The following TSHZ1 variants were observed in gnomAD, a reference collection of about 807,000 sequenced individuals.
TSHZ1 encodes the protein teashirt zinc finger homeobox 1.
Under a neutral mutation model 67.1 loss-of-function variants are expected in TSHZ1, and 12 were observed. The observed-to-expected ratio is 0.18, with a 90% CI of 0.11 to 0.29. The LOEUF (loss-of-function observed/expected upper bound fraction) is 0.29, where lower values mean the gene tolerates loss of function less well. Ranked by LOEUF, TSHZ1 falls within the 10% of genes least tolerant of loss-of-function variation. The pLI, the probability that TSHZ1 is intolerant of heterozygous loss-of-function variation, is 1.00. For missense variants in TSHZ1, 1,305 were observed against 1,413.9 expected, an observed-to-expected ratio of 0.92 and a Z score of 1.23; for synonymous variants, 632 against 622.4, an observed-to-expected ratio of 1.02 and a Z score of -0.23.
At chr18:75,266,252 G>A (rs530684233) in intron 1 of TSHZ1, among the ~76,000 whole-genome samples, 28 of 152,218 alleles carry the variant, frequency 1.8e-4, no homozygotes, top group Non-Finnish European at 3.7e-4. Flanking sequence ...CTGTTCTAGA[G>A]TTCTCTTTCC....
chr18:75,245,023 TC>T (rs2122556544), intron 1 of TSHZ1, among the ~76,000 whole-genome samples: 1 of 152,322 alleles, frequency 6.6e-6, no homozygotes, highest in African/African-American at 2.4e-5. Flanking sequence ...ACCATCTTTC[TC>T]TGTCAACACT....
Position 75,286,525 on chromosome 18 carries a change from A to T in TSHZ1, c.1118A>T (p.Glu373Val). 1.2e-6 allele frequency: 2 copies of T among 1,614,202 alleles called. No individual in the cohort carries two copies. The highest frequency in any genetic ancestry group is 1.7e-6 in the Non-Finnish European group (2 of 1,180,040). ...CCTGAGCCAGCAGGAATGGCCGCAG[A>T]GGTGGCCCTGAGTGAGTCAGCCAAG... ...CSPEPAGMAA[E>V]VALSESAKDQ... Residue 373 changes from glutamate (E) to valine (V), a missense_variant, in exon 2 of 2, where the codon GAG (glutamate) becomes GTG (valine). Glu to Val is a moderately radical substitution (Grantham distance 121). This residue lies in a region of TSHZ1 where 909 missense variants were observed against 961.8 expected (regional missense o/e 0.95). Transcript: ENST00000580243. This position sits in a 1 kb window ranked among gnomAD's most constrained non-coding sequence, Gnocchi z 5.1.
At chr18:75,215,268 G>A (rs1269292904) in intron 1 of TSHZ1, among the ~76,000 whole-genome samples, 1 of 152,158 alleles carries the variant, frequency 6.6e-6, no homozygotes, top group Non-Finnish European at 1.5e-5. Flanking sequence ...AGAGAATGTC[G>A]CTGGCTGGGA....
At chr18:75,212,162 T>TGGCCGGGGGA (rs1467830500) in intron 1 of TSHZ1, among the ~76,000 whole-genome samples, 1 of 151,856 alleles carries the variant, frequency 6.6e-6, no homozygotes, top group Non-Finnish European at 1.5e-5. Context: ...GAAGCCCGGA[T>TGGCCGGGGGA]GGCCGGGGGA....
intron 1 of TSHZ1, among the ~76,000 whole-genome samples, chr18:75,270,587 T>C (rs1599050846): frequency 6.6e-6 from 1 of 152,236 alleles, no homozygotes; most frequent in African/African-American, 2.4e-5. Context: ...TATTTGAGAT[T>C]AGATTTCAAT....
Position 75,285,639 on chromosome 18 carries a change from T to C in TSHZ1, c.232T>C (p.Phe78Leu). Residue 78 changes from phenylalanine to leucine, a missense_variant, in exon 2 of 2, where the codon TTC (phenylalanine) becomes CTC (leucine). Phe to Leu is a conservative substitution (Grantham distance 22). Transcript: ENST00000580243. ...TNQDAGYGSP[F>L]SESSDQLAHF... ...CCAGGACGCCGGCTACGGGTCGCCC[T>C]TCAGTGAGAGCAGCGACCAGCTAGC... 6.2e-7 allele frequency: 1 copy of C among 1,613,712 alleles called. No individual in the cohort carries two copies. Among genetic ancestry groups the C allele is most frequent in the Admixed American group, 1.7e-5 (1 of 60,008 alleles).
chr18:75,273,205 A>G (rs1335849454), intron 1 of TSHZ1, among the ~76,000 whole-genome samples: 2 of 152,256 alleles, frequency 1.3e-5, no homozygotes, highest in African/African-American at 4.8e-5. Flanking sequence ...TCCACAGAGC[A>G]GCGATAACAG....
In TSHZ1 at chr18:75,286,183, T is replaced by C; in HGVS notation, c.776T>C (p.Val259Ala). 1 of 1,613,610 alleles carries C rather than the reference T, an allele frequency of 6.2e-7. No individual in the cohort carries two copies. Among genetic ancestry groups the C allele is most frequent in the Non-Finnish European group, 8.5e-7 (1 of 1,179,888 alleles). ...KDCSAAYDTL[V>A]ELTVHMNETG... is the part of the protein sequence containing the mutation. The stretch of plus-strand genomic sequence containing the variant: ...TGCAGTGCCGCGTACGACACGCTGG[T>C]GGAACTGACGGTGCACATGAACGAG... The change falls in exon 2 of 2, where the codon GTG becomes GCG. Residue 259 changes from valine (V) to alanine (A), a missense_variant. Physicochemically the swap from Val to Ala is moderately conservative, Grantham distance 64. Around this residue, in one of 3 missense-constraint regions of TSHZ1, gnomAD observed 358 missense variants for 375.6 expected, o/e 0.95. Transcript: ENST00000580243. This position sits in a 1 kb window ranked among gnomAD's most constrained non-coding sequence, Gnocchi z 5.1.
At position 75,281,186 on chromosome 18, in the gene TSHZ1, G is replaced by A. The variant is rs145612374; in HGVS notation, c.41-4262G>A. 3.4e-3 allele frequency among the ~76,000 whole-genome samples: 518 copies of A among 152,334 alleles called. 4 individuals carry two copies. The highest frequency in any genetic ancestry group is 9.6e-3 in the African/African-American group (397 of 41,566). The stretch of plus-strand genomic sequence containing the variant: ...GAGTGGAGCGAGGTCATCTGGGGAC[G>A]TTGGAAGGCTCTGGCCACAGCTGGT... On this transcript the variant is annotated intron_variant, in intron 1 of 1. Transcript: ENST00000580243. This position sits in a 1 kb window ranked among gnomAD's most constrained non-coding sequence, Gnocchi z 5.3.
chr18:75,222,040 A>T (rs1472326733), intron 1 of TSHZ1, among the ~76,000 whole-genome samples: 2 of 152,238 alleles, frequency 1.3e-5, no homozygotes, highest in African/African-American at 4.8e-5. Context: ...TCAGATTGTT[A>T]GTGCTTGGTG....
chr18:75,255,885 A>G (rs931061109), intron 1 of TSHZ1, among the ~76,000 whole-genome samples: 2 of 152,232 alleles, frequency 1.3e-5, no homozygotes, highest in African/African-American at 4.8e-5. Flanking sequence ...TATGTCCTAG[A>G]AGAATGTCAT....
rs1052854887 is a variant in TSHZ1 at position 75,281,949 on chromosome 18, T to C, written c.41-3499T>C. Among the ~76,000 whole-genome samples, 1 of 152,142 alleles carries C rather than the reference T, an allele frequency of 6.6e-6. No individual in the cohort carries two copies. Among genetic ancestry groups the C allele is most frequent in the Non-Finnish European group, 1.5e-5 (1 of 68,016 alleles). On this transcript the variant is annotated intron_variant, in intron 1 of 1. Transcript: ENST00000580243. The surrounding 1 kb of genome is among the most constrained non-coding windows in gnomAD (Gnocchi z 5.3). ...AGGCTGCCTGATCACCCTGCTTTGCTTCTTCCCTGGGACATGAGTCCCCGT... is the reference window on the plus strand; with the variant it reads ...AGGCTGCCTGATCACCCTGCTTTGCCTCTTCCCTGGGACATGAGTCCCCGT...
At position 75,287,549 on chromosome 18, in the gene TSHZ1, T is replaced by C; in HGVS notation, c.2142T>C (p.Asn714=). The change falls in exon 2 of 2, where the codon AAT becomes AAC. Residue 714 remains asparagine (N), a synonymous_variant. Transcript: ENST00000580243. This position sits in a 1 kb window ranked among gnomAD's most constrained non-coding sequence, Gnocchi z 5.0. ...GACCGCTGGACGTTCACACCCCAAA[T>C]GGCACAGAGCCTCTCAAAGCAAAGG... is the stretch of plus-strand genomic sequence containing the variant. ...KEGPLDVHTP[N]GTEPLKAKVT... is the part of the protein sequence containing the mutation. The C allele has an allele frequency of 6.2e-7, 1 of 1,614,186 alleles. No homozygotes were observed. Among genetic ancestry groups the C allele is most frequent in the Non-Finnish European group, 8.5e-7 (1 of 1,180,042 alleles).
At position 75,210,986 on chromosome 18, in the gene TSHZ1, C is replaced by T. The variant is rs1176236790; in HGVS notation, c.-891C>T. The T allele has an allele frequency of 7.7e-6, 1 of 130,158 alleles. No homozygotes were observed. Among genetic ancestry groups the T allele is most frequent in the East Asian group, 2.1e-4 (1 of 4,662 alleles). 8.1% of individuals were successfully genotyped at this position (130,158 alleles called of 1,614,324 possible). On this transcript the variant is annotated 5_prime_UTR_variant, in exon 1 of 2. Transcript: ENST00000580243. ...GCACACACTCTCCGGGTTGTTGTTG[C>T]CTTTTTTTTTTCTTGGAGGGGGGGG...
chr18:75,274,062 C>T (rs1423834789), intron 1 of TSHZ1, among the ~76,000 whole-genome samples: 1 of 152,120 alleles, frequency 6.6e-6, no homozygotes, highest in Non-Finnish European at 1.5e-5. Context: ...CGGTTCCTTG[C>T]GGTCTGTAGG....
At chr18:75,233,195 T>G (rs756053206) in intron 1 of TSHZ1, among the ~76,000 whole-genome samples, 9 of 152,234 alleles carry the variant, frequency 5.9e-5, no homozygotes, top group Non-Finnish European at 1.2e-4. Context: ...GTGATATCAG[T>G]TATATCTGCA....
intron 1 of TSHZ1, among the ~76,000 whole-genome samples, chr18:75,244,269 G>A (rs1387998394): frequency 1.3e-5 from 2 of 152,142 alleles, no homozygotes; most frequent in African/African-American, 4.8e-5. Flanking sequence ...ACTCTTCCTG[G>A]ACTTTTATAT....
intron 1 of TSHZ1, among the ~76,000 whole-genome samples, chr18:75,216,806 T>G (rs77432966): frequency 6.6e-6 from 1 of 151,916 alleles, no homozygotes. Flanking sequence ...GAGGAGGGCC[T>G]GGGTGGGAAG....
rs756026547 is a variant in TSHZ1 at position 75,287,527 on chromosome 18, C to T, written c.2120C>T (p.Pro707Leu). The T allele has an allele frequency of 1.7e-5, 28 of 1,614,102 alleles. No individual in the cohort carries two copies. The highest frequency in any genetic ancestry group is 8.0e-5 in the African/African-American group (6 of 74,934). The change falls in exon 2 of 2, where the codon CCG (proline) becomes CTG (leucine). Residue 707 changes from proline (P) to leucine (L), a missense_variant. Pro to Leu is a moderately conservative substitution (Grantham distance 98). Around this residue, in one of 3 missense-constraint regions of TSHZ1, gnomAD observed 909 missense variants for 961.8 expected, o/e 0.95. Coordinates refer to ENST00000580243, the MANE Select transcript of TSHZ1 (RefSeq NM_001308210.2). The surrounding 1 kb of genome is among the most constrained non-coding windows in gnomAD (Gnocchi z 5.0). Reference sequence around the variant, plus strand: ...ACTGGGAAGGCCAAAAAGGAGGGACCGCTGGACGTTCACACCCCAAATGGC... The same window carrying T: ...ACTGGGAAGGCCAAAAAGGAGGGACTGCTGGACGTTCACACCCCAAATGGC... ...AETGKAKKEG[P>L]LDVHTPNGTE...
Sources: allele counts gnomAD v4.1 joint callset (sites outside exome capture counted in the v4.1 genomes callset), GRCh38; gene constraint gnomAD v4.1.1; regional missense constraint gnomAD v4.1.1; non-coding constraint Gnocchi (gnomAD v3.1); transcripts MANE v1.5; gene names NCBI Gene and HGNC (gene_info 2026-07-23, HGNC 2026-07-21).